The following RPSA2 variants were observed in gnomAD, a reference collection of about 807,000 sequenced individuals.
RPSA2 encodes the protein ribosomal protein SA 2, also known as small ribosomal subunit protein uS2B.
chr19:23,837,031 A>G, the RPSA2 span, among the ~76,000 whole-genome samples: 1 of 152,064 alleles, frequency 6.6e-6, no homozygotes, highest in Non-Finnish European at 1.5e-5. Context: ...ATTTGCTTTT[A>G]GGTTTTTGGT....
the RPSA2 span, among the ~76,000 whole-genome samples, chr19:23,834,044 T>C: frequency 5.3e-5 from 8 of 152,110 alleles, no homozygotes; most frequent in Admixed American, 3.9e-4. Context: ...AGATGAAAGA[T>C]ATTTAATCCA....
At chr19:23,862,635 CAT>C in the RPSA2 span, among the ~76,000 whole-genome samples, 1 of 152,078 alleles carries the variant, frequency 6.6e-6, no homozygotes, top group Admixed American at 6.6e-5. Flanking sequence ...TTGAGATAAT[CAT>C]GTGGTTTTTG....
the RPSA2 span, among the ~76,000 whole-genome samples, chr19:23,837,421 G>A: frequency 6.6e-6 from 1 of 152,050 alleles, no homozygotes; most frequent in African/African-American, 2.4e-5. Flanking sequence ...CTCCAGATTT[G>A]TTCTTTTTTC....
At chr19:23,795,402 CTGTA>C in the RPSA2 span, among the ~76,000 whole-genome samples, 1 of 151,920 alleles carries the variant, frequency 6.6e-6, no homozygotes, top group Non-Finnish European at 1.5e-5. Context: ...TCCTGATTAG[CTGTA>C]TTCCTAGATA....
chr19:23,812,978 C>T, the RPSA2 span, among the ~76,000 whole-genome samples: 2 of 151,958 alleles, frequency 1.3e-5, no homozygotes, highest in East Asian at 3.9e-4. Context: ...TCTGTAAAAC[C>T]AGGATTTTGA....
chr19:23,819,498 G>C, the RPSA2 span: 4 of 152,142 alleles, frequency 2.6e-5, no homozygotes, highest in Non-Finnish European at 4.4e-5. Context: ...TCCCATATGG[G>C]TCCCAGTGTT....
chr19:23,834,971 G>A, the RPSA2 span, among the ~76,000 whole-genome samples: 2 of 151,806 alleles, frequency 1.3e-5, no homozygotes, highest in Non-Finnish European at 2.9e-5. Flanking sequence ...GCCATATATG[G>A]CATATTTTAA....
At chr19:23,859,667 T>C in the RPSA2 span, among the ~76,000 whole-genome samples, 14 of 152,174 alleles carry the variant, frequency 9.2e-5, no homozygotes, top group African/African-American at 2.7e-4. Flanking sequence ...GTCTTCTGCT[T>C]ATTTTGCTAT....
chr19:23,758,677 A>G, the RPSA2 span: 2 of 1,612,242 alleles, frequency 1.2e-6, no homozygotes, highest in Non-Finnish European at 1.7e-6. Context: ...TGTGGAGCTG[A>G]CTGCGGCGAG....
At chr19:23,816,366 G>T in the RPSA2 span, among the ~76,000 whole-genome samples, 1 of 152,062 alleles carries the variant, frequency 6.6e-6, no homozygotes, top group South Asian at 2.1e-4. Flanking sequence ...AATCTTCTGA[G>T]ATCCAGTGAT....
At chr19:23,834,154 T>C in the RPSA2 span, among the ~76,000 whole-genome samples, 148,836 of 152,172 alleles carry the variant, frequency 0.98, 72,881 homozygotes, top group Middle Eastern at 1. Context: ...GTATAAAAAA[T>C]AATACAAAAC....
chr19:23,814,081 A>G, the RPSA2 span, among the ~76,000 whole-genome samples: 148,066 of 151,676 alleles, frequency 0.98, 72,358 homozygotes, highest in Middle Eastern at 1. Context: ...GCATTGTGGC[A>G]GGCGCCTGTA....
chr19:23,828,953 A>ACT, the RPSA2 span, among the ~76,000 whole-genome samples: 1 of 152,110 alleles, frequency 6.6e-6, no homozygotes, highest in East Asian at 1.9e-4. Flanking sequence ...ACACACACAC[A>ACT]CACACACACA....
At chr19:23,866,088 T>C in the RPSA2 span, among the ~76,000 whole-genome samples, 1 of 152,180 alleles carries the variant, frequency 6.6e-6, no homozygotes, top group Non-Finnish European at 1.5e-5. Context: ...CTGTGGCCCC[T>C]TTTCAGATCT....
the RPSA2 span, chr19:23,827,733 G>A: frequency 3.5e-5 from 55 of 1,577,920 alleles, no homozygotes; most frequent in Admixed American, 4.8e-4. Flanking sequence ...ACCATTTCCC[G>A]TGAACACCCA....
At chr19:23,806,910 A>G in the RPSA2 span, among the ~76,000 whole-genome samples, 1 of 152,098 alleles carries the variant, frequency 6.6e-6, no homozygotes, top group East Asian at 1.9e-4. Flanking sequence ...TGGACTTTCC[A>G]TATAACCGAT....
the RPSA2 span, among the ~76,000 whole-genome samples, chr19:23,788,090 C>T: frequency 3.3e-5 from 5 of 152,164 alleles, no homozygotes; most frequent in African/African-American, 4.8e-5. Flanking sequence ...CTTGGCCAGT[C>T]GCCTAAATGA....
At chr19:23,868,767 C>A in the RPSA2 span, among the ~76,000 whole-genome samples, 5 of 152,106 alleles carry the variant, frequency 3.3e-5, no homozygotes, top group African/African-American at 1.2e-4. Context: ...GATGGATAAA[C>A]CATGTGGGTG....
chr19:23,789,175 A>G, the RPSA2 span, among the ~76,000 whole-genome samples: 1 of 151,328 alleles, frequency 6.6e-6, no homozygotes, highest in Admixed American at 6.6e-5. Flanking sequence ...TTATTTTTGT[A>G]TTTTTAGTAG....
Sources: allele counts gnomAD v4.1 joint callset (sites outside exome capture counted in the v4.1 genomes callset), GRCh38; gene constraint gnomAD v4.1.1; transcripts MANE v1.5; gene names NCBI Gene and HGNC (gene_info 2026-07-23, HGNC 2026-07-21).